Variants in FBXO11 observed in about 807,000 individuals in gnomAD.
FBXO11 encodes the protein F-box only protein 11.
In FBXO11, 13 loss-of-function variants were observed where a neutral mutation model predicts 117.0. That is an observed-to-expected ratio of 0.11 (90% CI 0.07 to 0.18). FBXO11 has a LOEUF of 0.18. Ranked by LOEUF, FBXO11 falls within the 10% of genes least tolerant of loss-of-function variation. FBXO11 has a pLI of 1.00. For synonymous variants in FBXO11, 490 were observed against 380.5 expected (o/e 1.29, Z -3.35); for missense variants, 767 against 1,164.4 (o/e 0.66, Z 4.97).
chr2:47,843,353 T>C (rs1384114682), intron 1 of FBXO11, among the ~76,000 whole-genome samples: 1 of 152,202 alleles, frequency 6.6e-6, no homozygotes, highest in Non-Finnish European at 1.5e-5. Context: ...TTTTTCACTT[T>C]TGTTGAGGGT....
chr2:47,893,341 CAT>C (rs1475652860), intron 1 of FBXO11, among the ~76,000 whole-genome samples: 2 of 149,756 alleles, frequency 1.3e-5, no homozygotes, highest in East Asian at 1.9e-4. Flanking sequence ...ATATAAATCA[CAT>C]GTGTATGTGC....
intron 11 of FBXO11, among the ~76,000 whole-genome samples, chr2:47,823,619 G>A (rs1351072349): frequency 6.6e-6 from 1 of 151,946 alleles, no homozygotes; most frequent in African/African-American, 2.4e-5. Context: ...TGGGTGTGGT[G>A]GCTCACACCT....
intron 16 of FBXO11, chr2:47,814,136 T>C (rs1486880973): frequency 6.1e-6 from 2 of 328,712 alleles, no homozygotes; most frequent in East Asian, 1.2e-4. Context: ...ATTCCCCTCA[T>C]ATGTAAAATG....
intron 1 of FBXO11, among the ~76,000 whole-genome samples, chr2:47,897,258 A>G (rs1023168605): frequency 1.4e-4 from 21 of 152,220 alleles, no homozygotes; most frequent in African/African-American, 4.3e-4. Context: ...CTTGGATATA[A>G]AAAAGAATTA....
rs1384327745 is a variant in FBXO11 at position 47,839,668 on chromosome 2, C to T, written c.334G>A (p.Ala112Thr). 1 of 1,614,068 alleles carries T rather than the reference C, an allele frequency of 6.2e-7. No homozygotes were observed. ...TCCATACTGTTCTTTGTGGGACACGCTGTTCTTTTCGGCAAAAGAGTTTTT... is the reference window on the plus strand; with the variant it reads ...TCCATACTGTTCTTTGTGGGACACGTTGTTCTTTTCGGCAAAAGAGTTTTT... ...RRKTLLPKRT[A>T]CPTKNSMEGA... The change falls in exon 2 of 23, where the codon GCG becomes ACG. Residue 112 changes from alanine (A) to threonine (T), a missense_variant. Ala to Thr is a moderately conservative substitution (Grantham distance 58). Transcript: ENST00000403359.
At chr2:47,846,207 C>A (rs1245587703) in intron 1 of FBXO11, among the ~76,000 whole-genome samples, 1 of 152,216 alleles carries the variant, frequency 6.6e-6, no homozygotes, top group Non-Finnish European at 1.5e-5. Context: ...TGGCTCATGC[C>A]TGTAAATCCC....
chr2:47,836,447 C>T (rs537781263), intron 4 of FBXO11, among the ~76,000 whole-genome samples: 3 of 152,074 alleles, frequency 2.0e-5, no homozygotes, highest in Non-Finnish European at 4.4e-5. Flanking sequence ...CAGTTCACTG[C>T]AACCTCTGCC....
At chr2:47,868,240 G>A (rs1268873718) in intron 1 of FBXO11, among the ~76,000 whole-genome samples, 5 of 139,472 alleles carry the variant, frequency 3.6e-5, no homozygotes, top group African/African-American at 8.2e-5. Flanking sequence ...CCGAGATCGC[G>A]CCACTGCACT....
intron 1 of FBXO11, among the ~76,000 whole-genome samples, chr2:47,902,908 T>G (rs1476935306): frequency 6.6e-6 from 1 of 151,062 alleles, no homozygotes; most frequent in South Asian, 2.1e-4. Context: ...CATTAAGAGT[T>G]AGTAAAAGGT....
chr2:47,864,218 A>T (rs1675014613), intron 1 of FBXO11, among the ~76,000 whole-genome samples: 1 of 152,250 alleles, frequency 6.6e-6, no homozygotes, highest in African/African-American at 2.4e-5. Context: ...AAAAGCATTT[A>T]TTAAGTACTC....
At chr2:47,903,782 A>T (rs75059601) in intron 1 of FBXO11, among the ~76,000 whole-genome samples, 1 of 152,234 alleles carries the variant, frequency 6.6e-6, no homozygotes, top group East Asian at 1.9e-4. Context: ...TTTCTCAAAC[A>T]TATTTGTCAG....
chr2:47,811,253 T>G (rs963313685), intron 18 of FBXO11: 3 of 152,228 alleles, frequency 2.0e-5, no homozygotes, highest in Non-Finnish European at 2.9e-5. Flanking sequence ...TGAGACAGAG[T>G]CTCACTCTGC....
At chr2:47,900,334 T>C (rs1284300463) in intron 1 of FBXO11, among the ~76,000 whole-genome samples, 1 of 152,044 alleles carries the variant, frequency 6.6e-6, no homozygotes, top group Non-Finnish European at 1.5e-5. Flanking sequence ...TACCCCACAG[T>C]ACTTACTTCC....
chr2:47,840,712 C>A (rs1048702365), intron 1 of FBXO11, among the ~76,000 whole-genome samples: 3 of 151,800 alleles, frequency 2.0e-5, no homozygotes, highest in African/African-American at 7.2e-5. Context: ...CCTTGGCCTC[C>A]AAAGTGCTTT....
At chr2:47,904,986 T>G (rs1476354105) in intron 1 of FBXO11, 1 of 151,572 alleles carries the variant, frequency 6.6e-6, no homozygotes, top group East Asian at 2.0e-4. Flanking sequence ...GATTCCCCTC[T>G]CCCGCTCCTC....
At position 47,905,610 on chromosome 2, in the gene FBXO11, C is replaced by A; in HGVS notation, c.111G>T (p.Gln37His). Reference protein sequence around the residue: ...PPQQPPPQPPQQQPPQQQPPP... With the variant: ...PPQQPPPQPPHQQPPQQQPPP... ...GAGGCTGCTGCTGGGGCGGCTGCTG[C>A]TGGGGCGGCTGCGGCGGCGGCTGCT... The change falls in exon 1 of 23, where the codon CAG becomes CAT. Residue 37 changes from glutamine to histidine, a missense_variant. Physicochemically the swap from Gln to His is conservative, Grantham distance 24. This residue lies in a region of FBXO11 where 355 missense variants were observed against 299.8 expected (regional missense o/e 1.18). Transcript: ENST00000403359. 1.5e-6 allele frequency: 2 copies of A among 1,362,708 alleles called. No individual in the cohort carries two copies. Among genetic ancestry groups the A allele is most frequent in the African/African-American group, 1.5e-5 (1 of 66,122 alleles). The allele number at this position is 1,362,708 out of a possible 1,614,324, so 84.4% of individuals were successfully genotyped here. A position where few individuals can be genotyped will look rare whatever the true frequency, so the allele number is the denominator to read the frequency against.
intron 13 of FBXO11, among the ~76,000 whole-genome samples, chr2:47,821,962 G>A (rs974233282): frequency 6.6e-6 from 1 of 152,152 alleles, no homozygotes; most frequent in African/African-American, 2.4e-5. Flanking sequence ...GCACATGCCT[G>A]TAGTTCTAGC....
At chr2:47,826,747 GT>G (rs1299032695) in intron 11 of FBXO11, among the ~76,000 whole-genome samples, 1 of 152,038 alleles carries the variant, frequency 6.6e-6, no homozygotes, top group Non-Finnish European at 1.5e-5. Flanking sequence ...CTTGTTGCTA[GT>G]TGTCCAAATC....
intron 2 of FBXO11, 40 bp from the exon 3 acceptor site, chr2:47,839,540 T>C (rs1672856749): frequency 6.2e-7 from 1 of 1,608,156 alleles, no homozygotes; most frequent in Non-Finnish European, 8.5e-7. Context: ...CAAATATTCT[T>C]ATCATCCATA....
Sources: allele counts gnomAD v4.1 joint callset (sites outside exome capture counted in the v4.1 genomes callset), GRCh38; gene constraint gnomAD v4.1.1; regional missense constraint gnomAD v4.1.1; transcripts MANE v1.5; gene names NCBI Gene and HGNC (gene_info 2026-07-23, HGNC 2026-07-21).